The following AGBL4 variants were observed in gnomAD, a reference collection of about 807,000 sequenced individuals.
The protein encoded by AGBL4 is AGBL carboxypeptidase 4.
Under a neutral mutation model 66.4 loss-of-function variants are expected in AGBL4, and 58 were observed. The observed-to-expected ratio is 0.87, with a 90% CI of 0.71 to 1.09. The LOEUF is 1.09. AGBL4 is among the 50% of genes least tolerant of loss of function. AGBL4 has a pLI of 0.00. For synonymous variants in AGBL4, 234 were observed against 222.9 expected (o/e 1.05, Z -0.44); for missense variants, 579 against 631.0 (o/e 0.92, Z 0.88).
rs561944581 is a variant in AGBL4 at position 48,861,994 on chromosome 1, C to T, written c.634+5197G>A. On this transcript the variant is annotated intron_variant, in intron 6 of 13. Transcript: ENST00000371839. ...TAGAAATGCAAATATAATATTTTAC[C>T]ACCCCTTCACCAGACACTCTTTACA... Among the ~76,000 whole-genome samples, 49 of 152,220 alleles carry T rather than the reference C, an allele frequency of 3.2e-4. No homozygotes were observed. In the South Asian group the frequency reaches 4.4e-3, roughly 14 times the overall value.
chr1:48,899,196 G>A (rs982967474), intron 5 of AGBL4, among the ~76,000 whole-genome samples: 38 of 152,340 alleles, frequency 2.5e-4, no homozygotes, highest in African/African-American at 7.5e-4. Context: ...CCGTGGGCAG[G>A]CGGCTCAGTG....
At chr1:48,927,196 C>T (rs1199873343) in intron 5 of AGBL4, among the ~76,000 whole-genome samples, 1 of 152,132 alleles carries the variant, frequency 6.6e-6, no homozygotes, top group African/African-American at 2.4e-5. Context: ...GTACCTGAGA[C>T]TGGATAATTT....
At chr1:49,152,181 C>G (rs919691276) in intron 4 of AGBL4, among the ~76,000 whole-genome samples, 7 of 152,142 alleles carry the variant, frequency 4.6e-5, no homozygotes, top group Admixed American at 2.0e-4. Flanking sequence ...AGCACCATGT[C>G]TGTCTGGGTT....
intron 3 of AGBL4, among the ~76,000 whole-genome samples, chr1:49,378,823 T>C (rs1182317797): frequency 6.6e-6 from 1 of 152,128 alleles, no homozygotes; most frequent in East Asian, 1.9e-4. Context: ...TGAGTAGTAA[T>C]GGTCCAGCTC....
chr1:49,846,304 CCA>C, intron 2 of AGBL4: 1 of 1,518,620 alleles, frequency 6.6e-7, no homozygotes. Flanking sequence ...ACTGGAGGAT[CCA>C]CACAGGAGAG....
chr1:48,797,740 T>C (rs1645722419), intron 6 of AGBL4, among the ~76,000 whole-genome samples: 1 of 152,030 alleles, frequency 6.6e-6, no homozygotes, highest in Admixed American at 6.6e-5. Flanking sequence ...AGAGATGGGG[T>C]TTCACCATGT....
chr1:48,873,438 G>A (rs1034691826), intron 5 of AGBL4, among the ~76,000 whole-genome samples: 24 of 152,148 alleles, frequency 1.6e-4, no homozygotes, highest in Admixed American at 7.2e-4. Flanking sequence ...GCTAGATCGG[G>A]TCCTTCCCCT....
chr1:49,498,997 G>A (rs1453066470), intron 3 of AGBL4, among the ~76,000 whole-genome samples: 4 of 152,068 alleles, frequency 2.6e-5, no homozygotes, highest in African/African-American at 7.2e-5. Flanking sequence ...TATGTTCATC[G>A]AGGATATTGG....
At chr1:49,151,129 C>A (rs1042345786) in intron 4 of AGBL4, among the ~76,000 whole-genome samples, 1 of 151,436 alleles carries the variant, frequency 6.6e-6, no homozygotes, top group Non-Finnish European at 1.5e-5. Context: ...ATTAGCCGGG[C>A]GTGGCAGTGT....
chr1:49,837,897 A>G (rs1189659111), intron 2 of AGBL4, among the ~76,000 whole-genome samples: 1 of 152,186 alleles, frequency 6.6e-6, no homozygotes, highest in Non-Finnish European at 1.5e-5. Flanking sequence ...AATCATGCCA[A>G]CTACTATAGC....
chr1:49,005,900 C>T (rs1661750414), intron 5 of AGBL4, among the ~76,000 whole-genome samples: 1 of 152,022 alleles, frequency 6.6e-6, no homozygotes, highest in African/African-American at 2.4e-5. Context: ...ACTCAGGAGG[C>T]TGAGGCAGGA....
intron 5 of AGBL4, among the ~76,000 whole-genome samples, chr1:49,019,234 G>A (rs781335931): frequency 7.2e-5 from 11 of 152,254 alleles, no homozygotes; most frequent in Non-Finnish European, 1.6e-4. Flanking sequence ...TATGCCATAC[G>A]AAGGAAAATT....
At chr1:49,691,080 G>A (rs1457134758) in intron 3 of AGBL4, among the ~76,000 whole-genome samples, 3 of 152,120 alleles carry the variant, frequency 2.0e-5, no homozygotes, top group East Asian at 3.9e-4. Flanking sequence ...GGAGGAGGAG[G>A]TGAAGGATAA....
intron 3 of AGBL4, among the ~76,000 whole-genome samples, chr1:49,533,757 C>T (rs146748262): frequency 1.0e-3 from 157 of 152,078 alleles, no homozygotes; most frequent in African/African-American, 3.4e-3. Context: ...CATATTTGCC[C>T]GCTTCAACAT....
At chr1:48,826,493 G>C (rs1276108038) in intron 6 of AGBL4, among the ~76,000 whole-genome samples, 1 of 152,126 alleles carries the variant, frequency 6.6e-6, no homozygotes, top group Non-Finnish European at 1.5e-5. Context: ...ACCAAAAGCA[G>C]GTTTGTGGTG....
At chr1:49,656,837 G>A (rs557448471) in intron 3 of AGBL4, among the ~76,000 whole-genome samples, 29 of 152,162 alleles carry the variant, frequency 1.9e-4, no homozygotes, top group Admixed American at 1.6e-3. Context: ...CAATAAATTC[G>A]GCATTGATGG....
At chr1:49,614,936 A>T (rs1645223407) in intron 3 of AGBL4, among the ~76,000 whole-genome samples, 1 of 152,160 alleles carries the variant, frequency 6.6e-6, no homozygotes, top group Non-Finnish European at 1.5e-5. Context: ...GGCACAAAAC[A>T]GACACTGAGA....
chr1:49,955,295 A>G (rs554751710), intron 1 of AGBL4, among the ~76,000 whole-genome samples: 11 of 152,162 alleles, frequency 7.2e-5, no homozygotes, highest in African/African-American at 2.2e-4. Context: ...TAATTCACTT[A>G]CAAAAACAAA....
At chr1:49,738,648 C>G (rs1309016562) in intron 2 of AGBL4, among the ~76,000 whole-genome samples, 2 of 152,204 alleles carry the variant, frequency 1.3e-5, no homozygotes. Flanking sequence ...AACTGGGAGG[C>G]ACCCCCCAGT....
Sources: allele counts gnomAD v4.1 joint callset (sites outside exome capture counted in the v4.1 genomes callset), GRCh38; gene constraint gnomAD v4.1.1; transcripts MANE v1.5; gene names NCBI Gene and HGNC (gene_info 2026-07-23, HGNC 2026-07-21).